The following SCOC variants were observed in gnomAD, a reference collection of about 807,000 sequenced individuals.
SCOC encodes the protein short coiled-coil protein, also known as short coiled coil protein.
A neutral mutation model predicts 9.9 loss-of-function variants in SCOC; 7 were observed. The observed-to-expected ratio is 0.71, with a 90% CI of 0.40 to 1.33. SCOC has a LOEUF of 1.33. Ranked by LOEUF, SCOC falls within the 40% of genes most tolerant of loss-of-function variation. The pLI is 0.01. For synonymous variants in SCOC, 19 were observed against 28.2 expected (o/e 0.67, Z 1.03); for missense variants, 66 against 89.7 (o/e 0.74, Z 1.07).
chr4:140,315,159 T>C (rs1423383138), intron 1 of SCOC, among the ~76,000 whole-genome samples: 1 of 152,180 alleles, frequency 6.6e-6, no homozygotes, highest in Non-Finnish European at 1.5e-5. Flanking sequence ...ATAATAAAAA[T>C]GCAAATCTCC....
upstream of SCOC, among the ~76,000 whole-genome samples, chr4:140,372,716 A>T (rs1397270261): frequency 6.6e-6 from 1 of 152,242 alleles, no homozygotes; most frequent in Non-Finnish European, 1.5e-5. Flanking sequence ...AAAAGTCAAG[A>T]AACAGGGAGA....
At chr4:140,291,961 C>A (rs1715774348) in intron 1 of SCOC, among the ~76,000 whole-genome samples, 2 of 152,082 alleles carry the variant, frequency 1.3e-5, no homozygotes, top group African/African-American at 4.8e-5. Context: ...GATCCTGCCA[C>A]CTTTTAGGTA....
At chr4:140,304,263 T>G (rs1222074680) in intron 1 of SCOC, among the ~76,000 whole-genome samples, 7 of 152,182 alleles carry the variant, frequency 4.6e-5, no homozygotes, top group Non-Finnish European at 1.0e-4. Flanking sequence ...AACAGGGTTT[T>G]GTTGTTGTTG....
upstream of SCOC, chr4:140,373,323 G>A (rs1016920527): frequency 1.3e-4 from 186 of 1,402,408 alleles, no homozygotes; most frequent in Non-Finnish European, 1.6e-4. Flanking sequence ...TTCCACACTG[G>A]GATTCTCACT....
chr4:140,274,709 G>A (rs1730937292), intron 1 of SCOC, among the ~76,000 whole-genome samples: 2 of 152,156 alleles, frequency 1.3e-5, no homozygotes, highest in African/African-American at 4.8e-5. Flanking sequence ...CAAGACCTGG[G>A]TTATCACTTT....
At chr4:140,328,423 GATA>G (rs1732713565) in intron 1 of SCOC, among the ~76,000 whole-genome samples, 2 of 152,182 alleles carry the variant, frequency 1.3e-5, no homozygotes, top group African/African-American at 4.8e-5. Context: ...CAGAGTGTAG[GATA>G]ATAATTTCTG....
intron 1 of SCOC, among the ~76,000 whole-genome samples, chr4:140,336,051 C>T (rs1209932442): frequency 2.0e-5 from 3 of 152,038 alleles, no homozygotes; most frequent in Non-Finnish European, 4.4e-5. Context: ...TTCTGGCCCT[C>T]TTGATTCTAT....
intron 2 of SCOC, among the ~76,000 whole-genome samples, chr4:140,343,918 A>G (rs1726604335): frequency 6.8e-6 from 1 of 147,170 alleles, no homozygotes. Context: ...CTGTCATTAT[A>G]TAACATGTAC....
chr4:140,294,435 T>C lies in SCOC; in HGVS notation c.-19+37025T>C, dbSNP rs538842992. Among the ~76,000 whole-genome samples the C allele has an allele frequency of 2.0e-5, 3 of 152,302 alleles. No individual in the cohort carries two copies. The South Asian group carries it at 6.2e-4, about 32-fold the overall frequency. ...TAAGCCTGAAAGTCCCCTACATGCA[T>C]GAATGCAATTCTCTATCTAAATACC... On this transcript the variant is annotated intron_variant, in intron 1 of 4. Transcript: ENST00000394205.
chr4:140,324,557 C>T (rs1015697339), intron 1 of SCOC, among the ~76,000 whole-genome samples: 1 of 151,922 alleles, frequency 6.6e-6, no homozygotes, highest in African/African-American at 2.4e-5. Context: ...GAATAGTTGT[C>T]ATTTGATATT....
intron 1 of SCOC, among the ~76,000 whole-genome samples, chr4:140,285,697 G>C (rs1578769800): frequency 6.6e-6 from 1 of 152,214 alleles, no homozygotes; most frequent in East Asian, 1.9e-4. Flanking sequence ...AGGTAGGTTA[G>C]AAATCTCTTC....
chr4:140,283,071 T>G (rs1237721384), intron 1 of SCOC, among the ~76,000 whole-genome samples: 2 of 152,256 alleles, frequency 1.3e-5, no homozygotes, highest in African/African-American at 4.8e-5. Flanking sequence ...AGATTGGATC[T>G]AGCATTCAAG....
At chr4:140,291,378 C>T (rs1560686063) in intron 1 of SCOC, 1 of 456,750 alleles carries the variant, frequency 2.2e-6, no homozygotes, top group Admixed American at 2.3e-5. Context: ...CCTGGCTCTT[C>T]ATATACCTTA....
chr4:140,351,407 C>T (rs1726971473), intron 2 of SCOC, among the ~76,000 whole-genome samples: 1 of 152,118 alleles, frequency 6.6e-6, no homozygotes, highest in Non-Finnish European at 1.5e-5. Context: ...TTCATGCCGG[C>T]CCTCGCCGCC....
In SCOC at chr4:140,381,107, G is replaced by C. The variant is rs1728556884; in HGVS notation, c.*3G>C. The C allele has an allele frequency of 6.3e-7, 1 of 1,586,102 alleles. No individual in the cohort carries two copies. Among genetic ancestry groups the C allele is most frequent in the Non-Finnish European group, 8.5e-7 (1 of 1,172,576 alleles). ...ACACAAAAAGCAAAAGAAAGTAAGG[G>C]ATTGACACCCTTCTGTTTTATGGAA... On this transcript the variant is annotated 3_prime_UTR_variant, in exon 4 of 4. Coordinates refer to ENST00000608372, the MANE Select transcript of SCOC (RefSeq NM_001153484.2).
In SCOC at chr4:140,358,325, A is replaced by G. The variant is rs369433423; in HGVS notation, c.70+14617A>G. ...GTCCATTAACTGTTCACATACAAAC[A>G]TTGCTGCTAAGAGCTAACATTTCCC... On this transcript the variant is annotated intron_variant, in intron 2 of 4. Transcript: ENST00000338517. Among the ~76,000 whole-genome samples the G allele has an allele frequency of 2.9e-4, 44 of 152,366 alleles. No individual in the cohort carries two copies. In the South Asian group the frequency reaches 8.7e-3, roughly 30 times the overall value.
At chr4:140,288,598 C>G (rs748983435) in intron 1 of SCOC, among the ~76,000 whole-genome samples, 5 of 151,914 alleles carry the variant, frequency 3.3e-5, no homozygotes, top group Non-Finnish European at 7.4e-5. Flanking sequence ...ACATATCACA[C>G]ATCACATACA....
chr4:140,314,058 G>C (rs763013355), intron 1 of SCOC: 1 of 151,702 alleles, frequency 6.6e-6, no homozygotes, highest in Non-Finnish European at 1.5e-5. Flanking sequence ...GAACCAGGAG[G>C]TGCAGAGACT....
upstream of SCOC, chr4:140,373,278 C>T (rs2126585307): frequency 7.5e-7 from 1 of 1,333,654 alleles, no homozygotes; most frequent in Non-Finnish European, 9.6e-7. Flanking sequence ...TCCTGAATGA[C>T]TTCTCTGTCG....
Sources: allele counts gnomAD v4.1 joint callset (sites outside exome capture counted in the v4.1 genomes callset), GRCh38; gene constraint gnomAD v4.1.1; transcripts MANE v1.5; gene names NCBI Gene and HGNC (gene_info 2026-07-23, HGNC 2026-07-21).